Variants in SLC45A4 observed in about 807,000 individuals in gnomAD.
SLC45A4 encodes polyamine-transporter SLC45A4.
Under a neutral mutation model 63.7 loss-of-function variants are expected in SLC45A4, and 32 were observed. The ratio of observed to expected loss-of-function variants is 0.50; its 90% CI spans 0.38 to 0.67. The LOEUF is 0.67. SLC45A4 is among the 30% of genes least tolerant of loss of function. The pLI is 0.00. For synonymous variants in SLC45A4, 535 were observed against 510.0 expected, an observed-to-expected ratio of 1.05 and a Z score of -0.66; for missense variants, 1,027 against 1,157.7, an observed-to-expected ratio of 0.89 and a Z score of 1.64.
intron 1 of SLC45A4, among the ~76,000 whole-genome samples, chr8:141,259,372 G>A (rs1367616663): frequency 6.6e-6 from 1 of 152,202 alleles, no homozygotes; most frequent in Admixed American, 6.5e-5. Context: ...AGGCCCCCCA[G>A]CTCCAGAACC....
At chr8:141,260,000 C>T (rs905811507) in intron 1 of SLC45A4, among the ~76,000 whole-genome samples, 6 of 152,180 alleles carry the variant, frequency 3.9e-5, no homozygotes, top group Non-Finnish European at 5.9e-5. Context: ...GACCAGCCAC[C>T]GGCTTATGCG....
chr8:141,267,646 G>A (rs929294736), intron 1 of SLC45A4, among the ~76,000 whole-genome samples: 4 of 151,918 alleles, frequency 2.6e-5, no homozygotes, highest in African/African-American at 4.9e-5. Flanking sequence ...TTTGCTATAT[G>A]GGGGAAAAGA....
chr8:141,239,735 G>A (rs1031922873), intron 2 of SLC45A4, among the ~76,000 whole-genome samples: 2 of 152,182 alleles, frequency 1.3e-5, no homozygotes, highest in East Asian at 1.9e-4. Context: ...GACGGCTGCC[G>A]GTTTTAGAGA....
chr8:141,230,576 T>G (rs964399280), intron 2 of SLC45A4, among the ~76,000 whole-genome samples: 8 of 152,170 alleles, frequency 5.3e-5, no homozygotes, highest in Non-Finnish European at 1.2e-4. Context: ...AGGGCCCTGG[T>G]GGCTGGGGGG....
rs769639808 is a variant in SLC45A4 at position 141,208,260 on chromosome 8, G to A, written c.*3312C>T. On this transcript the variant is annotated 3_prime_UTR_variant, in exon 9 of 9. Transcript: ENST00000517878. ...TGCACAAACCATTAGCCATATAAGG[G>A]AACAGTTGGTATCTTTAAGAGTATT... 7.2e-5 allele frequency: 11 copies of A among 152,206 alleles called. No individual in the cohort carries two copies. The highest frequency in any genetic ancestry group is 1.5e-4 in the Non-Finnish European group (10 of 68,048). 9.4% of individuals were successfully genotyped at this position (152,206 alleles called of 1,614,324 possible). A position where few individuals can be genotyped will look rare whatever the true frequency, so the allele number is the denominator to read the frequency against.
chr8:141,216,313 G>A (rs145846204), intron 6 of SLC45A4, among the ~76,000 whole-genome samples: 9 of 152,364 alleles, frequency 5.9e-5, no homozygotes, highest in East Asian at 3.9e-4. Flanking sequence ...CACCCAGGAC[G>A]ATTTCTTCTC....
chr8:141,247,247 A>G (rs1043025776), intron 2 of SLC45A4, among the ~76,000 whole-genome samples: 6 of 152,274 alleles, frequency 3.9e-5, no homozygotes, highest in Non-Finnish European at 8.8e-5. Context: ...AGGTCAATAT[A>G]TAAAAATCAC....
At chr8:141,266,303 C>T (rs568039389) in intron 1 of SLC45A4, among the ~76,000 whole-genome samples, 5 of 152,284 alleles carry the variant, frequency 3.3e-5, no homozygotes, top group East Asian at 1.9e-4. Flanking sequence ...CGCTTGTGGG[C>T]GGCACATGCT....
At chr8:141,259,424 C>T (rs574963057) in intron 1 of SLC45A4, among the ~76,000 whole-genome samples, 6 of 152,324 alleles carry the variant, frequency 3.9e-5, no homozygotes, top group East Asian at 1.9e-4. Context: ...GATCACCCTT[C>T]GGAGCAGGCT....
intron 6 of SLC45A4, 65 bp downstream of exon 6, chr8:141,217,025 G>T (rs537811318): frequency 1.7e-5 from 26 of 1,518,374 alleles, no homozygotes; most frequent in Non-Finnish European, 2.4e-5. Flanking sequence ...GGATTCTCTC[G>T]TCTGCATTTC....
At chr8:141,277,918 T>A (rs960683532) in intron 1 of SLC45A4, among the ~76,000 whole-genome samples, 2 of 152,138 alleles carry the variant, frequency 1.3e-5, no homozygotes, top group Non-Finnish European at 2.9e-5. Flanking sequence ...AAAAAAACAA[T>A]TTTTTAAGAG....
At chr8:141,211,949 A>T (rs1222589138) in intron 8 of SLC45A4, 1 of 1,270,602 alleles carries the variant, frequency 7.9e-7, no homozygotes, top group Non-Finnish European at 9.9e-7. Flanking sequence ...TAAAAAAAAT[A>T]TTTCAAATGA....
chr8:141,297,923 C>T (rs1830617998), intron 1 of SLC45A4, among the ~76,000 whole-genome samples: 1 of 116,320 alleles, frequency 8.6e-6, no homozygotes. Context: ...AAGGACATGA[C>T]ACCCAAAATT....
At chr8:141,270,929 G>A (rs1244202452) in intron 1 of SLC45A4, among the ~76,000 whole-genome samples, 1 of 152,110 alleles carries the variant, frequency 6.6e-6, no homozygotes, top group African/African-American at 2.4e-5. Flanking sequence ...CTGACCCCAG[G>A]GGCAGGCAGA....
rs760341998 is a variant in SLC45A4, at chr8:141,211,680, G to A, written c.2319C>T (p.Asp773=). ...GCCAATGTGACGAGATCTGACAGAC[G>A]TCAATACCTGCAGGCGTCTACAGAG... The part of the protein sequence containing the change: ...ETESVTPAGI[D]VCQISSHWLV... Residue 773 remains aspartate (D), a synonymous_variant, in exon 9 of 9, where the codon GAC becomes GAT. Coordinates refer to ENST00000517878, the MANE Select transcript of SLC45A4 (RefSeq NM_001286646.2). 1.9e-6 allele frequency: 3 copies of A among 1,595,996 alleles called. No homozygotes were observed. Among genetic ancestry groups the A allele is most frequent in the Admixed American group, 1.7e-5 (1 of 57,902 alleles).
At position 141,278,587 on chromosome 8, in the gene SLC45A4, G is replaced by A. The variant is rs1829821744; in HGVS notation, c.-400-23958C>T. On this transcript the variant is annotated intron_variant, in intron 1 of 8. Transcript: ENST00000517878. This position sits in a 1 kb window ranked among gnomAD's most constrained non-coding sequence, Gnocchi z 4.1. ...GTGGAGGTGGGGCGGGCAGCCGAAGGAGAGACAGGCCTCTGCCCCCTAGCC... is the reference window on the plus strand; with the variant it reads ...GTGGAGGTGGGGCGGGCAGCCGAAGAAGAGACAGGCCTCTGCCCCCTAGCC... 6.6e-6 allele frequency among the ~76,000 whole-genome samples: 1 copy of A among 151,208 alleles called. No individual in the cohort carries two copies. The highest frequency in any genetic ancestry group is 1.5e-5 in the Non-Finnish European group (1 of 68,038).
At chr8:141,226,074 G>A (rs1169337815) in intron 2 of SLC45A4, 1 of 152,548 alleles carries the variant, frequency 6.6e-6, no homozygotes, top group Non-Finnish European at 1.5e-5. Flanking sequence ...CAGCTGCCAT[G>A]GACTGTGCCT....
intron 8 of SLC45A4, 169 bp from the exon 9 acceptor site, chr8:141,211,866 T>C (rs1825838314): frequency 4.7e-6 from 6 of 1,268,378 alleles, no homozygotes; most frequent in African/African-American, 1.5e-5. Context: ...ATAAATGTTT[T>C]ATATCATTTA....
At position 141,212,282 on chromosome 8, in the gene SLC45A4, C is replaced by T; in HGVS notation, c.2216G>A (p.Arg739Lys). 1 of 1,605,990 alleles carries T rather than the reference C, an allele frequency of 6.2e-7. No homozygotes were observed. Among genetic ancestry groups the T allele is most frequent in the Non-Finnish European group, 8.5e-7 (1 of 1,174,946 alleles). ...GLSSPLAGEG[R>K]AGGNSEKPTV... is the part of the protein sequence containing the mutation. ...GGGCTTTTCGCTGTTCCCACCGGCC[C>T]TGCCTTCGCCGGCCAACGGGGAAGA... is the stretch of plus-strand genomic sequence containing the variant. Residue 739 changes from arginine (R) to lysine (K), a missense_variant, in exon 8 of 9, where the codon AGG becomes AAG. By Grantham distance (26) the Arg-to-Lys change is conservative. Transcript: ENST00000517878.
Sources: gnomAD v4.1 joint callset for allele counts (sites outside exome capture counted in the v4.1 genomes callset) on GRCh38, gnomAD v4.1.1 for gene constraint, Gnocchi (gnomAD v3.1) non-coding constraint, MANE v1.5 for transcripts, NCBI Gene and HGNC (gene_info 2026-07-23, HGNC 2026-07-21) for gene names.